The following UHRF1 variants were observed in gnomAD, a reference collection of about 807,000 sequenced individuals.
The protein encoded by UHRF1 is E3 ubiquitin-protein ligase UHRF1.
In UHRF1, 9 loss-of-function variants were observed where a neutral mutation model predicts 96.5. The ratio of observed to expected loss-of-function variants is 0.09; its 90% CI spans 0.06 to 0.16. The LOEUF (loss-of-function observed/expected upper bound fraction) is 0.16. UHRF1 is among the 10% of genes least tolerant of loss of function. The pLI, the probability that UHRF1 is intolerant of heterozygous loss-of-function variation, is 1.00. For missense variants in UHRF1, 626 were observed against 1,131.1 expected (o/e 0.55, Z 6.40); for synonymous variants, 455 against 469.9 (o/e 0.97, Z 0.41).
chr19:4,923,178 C>T (rs893488876), intron 2 of UHRF1, among the ~76,000 whole-genome samples: 2 of 152,232 alleles, frequency 1.3e-5, no homozygotes, highest in African/African-American at 4.8e-5. Flanking sequence ...TTAACTCTGC[C>T]GCCTTGGCTT....
chr19:4,939,796 G>C (rs980792714), intron 5 of UHRF1, among the ~76,000 whole-genome samples: 7 of 152,256 alleles, frequency 4.6e-5, no homozygotes, highest in Non-Finnish European at 1.0e-4. Flanking sequence ...GGGCCGAGGT[G>C]GGCGGATCAC....
chr19:4,956,955 A>T, intron 16 of UHRF1, 142 bp downstream of exon 16: 1 of 674,136 alleles, frequency 1.5e-6, no homozygotes, highest in South Asian at 1.7e-5. Context: ...GGCCCTGTTG[A>T]CTGCTTTCTG....
chr19:4,941,517 G>C lies in UHRF1; in HGVS notation c.786-11G>C, dbSNP rs773817934. The C allele has an allele frequency of 1.2e-6, 2 of 1,609,638 alleles. No homozygotes were observed. Among genetic ancestry groups the C allele is most frequent in the Non-Finnish European group, 1.7e-6 (2 of 1,177,608 alleles). On this transcript the variant is annotated splice_polypyrimidine_tract_variant and intron_variant, in intron 5 of 16. Coordinates refer to ENST00000650932, the MANE Select transcript of UHRF1 (RefSeq NM_001048201.3). ...CAGGCCAGAATGTTCCAGCGTCCTC[G>C]TTCCTTGCAGGGATGATTCTCTGAA...
intron 16 of UHRF1, among the ~76,000 whole-genome samples, chr19:4,957,845 G>A (rs1481206345): frequency 6.6e-6 from 1 of 152,196 alleles, no homozygotes; most frequent in East Asian, 1.9e-4. Flanking sequence ...AACTGCCCAG[G>A]TGGGCAGTGT....
chr19:4,958,332 T>A (rs1425553429), intron 16 of UHRF1, among the ~76,000 whole-genome samples: 1 of 152,208 alleles, frequency 6.6e-6, no homozygotes, highest in Non-Finnish European at 1.5e-5. Flanking sequence ...AGGGGCCTGG[T>A]AACACTGTCC....
chr19:4,909,406 C>A, upstream of UHRF1: 1 of 649,620 alleles, frequency 1.5e-6, no homozygotes. Context: ...CTTCCCGCCA[C>A]TGCGTCGGCC....
chr19:4,954,230 G>C lies in UHRF1; in HGVS notation c.1819-120G>C. The C allele has an allele frequency of 1.4e-6, 2 of 1,469,404 alleles. No individual in the cohort carries two copies. The highest frequency in any genetic ancestry group is 2.5e-5 in the East Asian group (1 of 40,282). 91.0% of individuals were successfully genotyped at this position (1,469,404 alleles called of 1,614,324 possible). A position where few individuals can be genotyped will look rare whatever the true frequency, so the allele number is the denominator to read the frequency against. On this transcript the variant is annotated intron_variant, in intron 13 of 16. Coordinates refer to ENST00000650932, the MANE Select transcript of UHRF1 (RefSeq NM_001048201.3). The surrounding 1 kb of genome is among the most constrained non-coding windows in gnomAD (Gnocchi z 5.9). Reference sequence around the variant, plus strand: ...AGGGAGGACTACCCTGTGCTCTTCAGGGGGATTGGGGGTCAGGTGTGTCTG... The same window carrying C: ...AGGGAGGACTACCCTGTGCTCTTCACGGGGATTGGGGGTCAGGTGTGTCTG...
chr19:4,941,788 C>T lies in UHRF1; in HGVS notation c.930C>T (p.Asn310=). 6 of 1,571,526 alleles carry T rather than the reference C, an allele frequency of 3.8e-6. No individual in the cohort carries two copies. Among genetic ancestry groups the T allele is most frequent in the Non-Finnish European group, 5.2e-6 (6 of 1,158,948 alleles). The change falls in exon 7 of 17, where the codon AAC becomes AAT. Residue 310 remains asparagine (N), a synonymous_variant. Coordinates refer to ENST00000650932, the MANE Select transcript of UHRF1 (RefSeq NM_001048201.3). ...PSCKHCKDDV[N]RLCRVCACHL... ...GCAAGCACTGCAAGGACGACGTGAA[C>T]AGACTCTGCCGGGTCTGCGCCTGCC...
intron 13 of UHRF1, among the ~76,000 whole-genome samples, chr19:4,952,271 T>C (rs1331274123): frequency 6.6e-6 from 1 of 152,084 alleles, no homozygotes; most frequent in Non-Finnish European, 1.5e-5. Flanking sequence ...TTTTTGTATT[T>C]TTAGTAGAGA....
At chr19:4,949,869 G>A (rs2033670716) in intron 11 of UHRF1, among the ~76,000 whole-genome samples, 1 of 151,610 alleles carries the variant, frequency 6.6e-6, no homozygotes, top group African/African-American at 2.4e-5. Flanking sequence ...ATGTGTGTGT[G>A]CTTTGTTTTG....
Position 4,944,378 on chromosome 19 carries a change from C to T in UHRF1, c.1233C>T (p.Thr411=). The change falls in exon 9 of 17, where the codon ACC becomes ACT. Residue 411 remains threonine (T), a synonymous_variant. Transcript: ENST00000650932. ...GTGTGGGCCGCACCAAGGAATGTAC[C>T]ATCGTCCCGTCCAACCACTACGGAC... is the stretch of plus-strand genomic sequence containing the variant. ...MACVGRTKEC[T]IVPSNHYGPI... is the part of the protein sequence containing the mutation. 6.2e-7 allele frequency: 1 copy of T among 1,614,056 alleles called. No individual in the cohort carries two copies. Among genetic ancestry groups the T allele is most frequent in the Non-Finnish European group, 8.5e-7 (1 of 1,179,908 alleles).
chr19:4,928,760 C>T (rs1440533402), intron 2 of UHRF1, among the ~76,000 whole-genome samples: 1 of 152,172 alleles, frequency 6.6e-6, no homozygotes, highest in African/African-American at 2.4e-5. Context: ...TCCACCCACT[C>T]CATGCTAGGA....
At chr19:4,952,447 G>C (rs1219581019) in intron 13 of UHRF1, among the ~76,000 whole-genome samples, 2 of 145,170 alleles carry the variant, frequency 1.4e-5, no homozygotes, top group African/African-American at 5.2e-5. Context: ...CCAGGCTGGA[G>C]TGCAGGCATG....
chr19:4,944,457 G>C lies in UHRF1; in HGVS notation c.1305+7G>C. ...GTGGCGGTTCCGAGTCCAGGTACCTGCAGCGTCCCGGGGCTCCAGGGGCCA... is the reference window on the plus strand; with the variant it reads ...GTGGCGGTTCCGAGTCCAGGTACCTCCAGCGTCCCGGGGCTCCAGGGGCCA... On this transcript the variant is annotated splice_region_variant and intron_variant, in intron 9 of 16. Transcript: ENST00000650932. The C allele has an allele frequency of 1.2e-6, 2 of 1,613,844 alleles. No individual in the cohort carries two copies. The highest frequency in any genetic ancestry group is 1.7e-6 in the Non-Finnish European group (2 of 1,179,852).
chr19:4,954,598 T>C lies in UHRF1; in HGVS notation c.1958-52T>C. 1.3e-6 allele frequency: 2 copies of C among 1,596,758 alleles called. No homozygotes were observed. The highest frequency in any genetic ancestry group is 1.7e-6 in the Non-Finnish European group (2 of 1,171,448). On this transcript the variant is annotated intron_variant, in intron 14 of 16. Coordinates refer to ENST00000650932, the MANE Select transcript of UHRF1 (RefSeq NM_001048201.3). The surrounding 1 kb of genome is among the most constrained non-coding windows in gnomAD (Gnocchi z 5.9). ...GGACGTGGGAGCCGGTGGCTGTCTC[T>C]CCGGCAGCTCGGGCCACGCGCCCCT...
At chr19:4,922,002 C>T (rs1398701581) in intron 2 of UHRF1, among the ~76,000 whole-genome samples, 2 of 152,212 alleles carry the variant, frequency 1.3e-5, no homozygotes, top group Non-Finnish European at 2.9e-5. Context: ...GTCGCCTAGG[C>T]TGGAGTGCAA....
In UHRF1 at chr19:4,934,352, C is replaced by T. The variant is rs17880859; in HGVS notation, c.785+1396C>T. On this transcript the variant is annotated intron_variant, in intron 5 of 16. Coordinates refer to ENST00000650932, the MANE Select transcript of UHRF1 (RefSeq NM_001048201.3). The stretch of plus-strand genomic sequence containing the variant: ...CCCGGCCAAAAATTTACCATTGGAA[C>T]CATGTTTAAGCGCACAGTTCGGTGG... 1.7e-3 allele frequency among the ~76,000 whole-genome samples: 264 copies of T among 152,252 alleles called. 5 individuals carry two copies. The East Asian group carries it at 0.046, about 27-fold the overall frequency.
At chr19:4,944,279 C>T (rs1475582381) in intron 8 of UHRF1, 24 bp downstream of exon 8, 1 of 1,613,810 alleles carries the variant, frequency 6.2e-7, no homozygotes, top group African/African-American at 1.3e-5. Context: ...TTCCCACGTG[C>T]CCGTGGCCCC....
At chr19:4,920,736 A>G (rs114607022) in intron 2 of UHRF1, among the ~76,000 whole-genome samples, 2,341 of 152,290 alleles carry the variant, frequency 0.015, 63 homozygotes, top group African/African-American at 0.053. Context: ...ATCATTTTGA[A>G]GTGAGTTACA....
Sources: gnomAD v4.1 joint callset for allele counts (sites outside exome capture counted in the v4.1 genomes callset) on GRCh38, gnomAD v4.1.1 for gene constraint, Gnocchi (gnomAD v3.1) non-coding constraint, MANE v1.5 for transcripts, NCBI Gene and HGNC (gene_info 2026-07-23, HGNC 2026-07-21) for gene names.